SPECC1L: variants seen among roughly 807,000 people sequenced by gnomAD.
SPECC1L encodes cytospin-A.
A neutral mutation model predicts 116.8 loss-of-function variants in SPECC1L; 40 were observed. The observed-to-expected ratio is 0.34, with a 90% CI of 0.27 to 0.45. The LOEUF (loss-of-function observed/expected upper bound fraction) is 0.45. Among genes scored for constraint, SPECC1L ranks in the 20% least tolerant of loss-of-function variants. The pLI, the probability that SPECC1L is intolerant of heterozygous loss-of-function variation, is 1.00. For missense variants in SPECC1L, 1,110 were observed against 1,373.6 expected, an observed-to-expected ratio of 0.81 and a Z score of 3.03; for synonymous variants, 504 against 500.6, an observed-to-expected ratio of 1.01 and a Z score of -0.09.
chr22:24,399,856 C>T (rs2042438829), intron 14 of SPECC1L, among the ~76,000 whole-genome samples: 1 of 152,154 alleles, frequency 6.6e-6, no homozygotes, highest in Admixed American at 6.5e-5. Context: ...GCCTCCTACC[C>T]TTAGCTGCCT....
chr22:24,334,661 G>A (rs1312596784), intron 9 of SPECC1L, 88 bp downstream of exon 9: 5 of 1,425,530 alleles, frequency 3.5e-6, no homozygotes, highest in Middle Eastern at 2.0e-4. Context: ...ATTCTTTACT[G>A]TCTTACTCTT....
chr22:24,372,862 A>G (rs1366422951), intron 14 of SPECC1L, among the ~76,000 whole-genome samples: 5 of 152,340 alleles, frequency 3.3e-5, no homozygotes, highest in African/African-American at 7.2e-5. Flanking sequence ...ACATGATTAT[A>G]TATCTAGAAA....
intron 11 of SPECC1L, among the ~76,000 whole-genome samples, chr22:24,348,606 A>C (rs1309080126): frequency 6.6e-6 from 1 of 152,222 alleles, no homozygotes; most frequent in African/African-American, 2.4e-5. Flanking sequence ...CTAAGGGAAC[A>C]AATAGTGGAA....
chr22:24,356,691 A>G (rs1345842736), intron 11 of SPECC1L, among the ~76,000 whole-genome samples: 1 of 152,132 alleles, frequency 6.6e-6, no homozygotes, highest in East Asian at 1.9e-4. Context: ...AAAATCTACC[A>G]CCTTGTCGTG....
intron 4 of SPECC1L, among the ~76,000 whole-genome samples, chr22:24,317,500 C>T (rs1181944708): frequency 7.5e-5 from 10 of 133,350 alleles, no homozygotes; most frequent in African/African-American, 2.6e-4. Context: ...CCCCCACCTC[C>T]CTCCCGGACG....
chr22:24,406,999 A>G (rs1049620502), intron 14 of SPECC1L, among the ~76,000 whole-genome samples: 8 of 152,224 alleles, frequency 5.3e-5, no homozygotes, highest in Admixed American at 2.6e-4. Flanking sequence ...TCATTCTCCC[A>G]ACATGATCTC....
chr22:24,377,877 C>T (rs1440426013), intron 14 of SPECC1L, among the ~76,000 whole-genome samples: 1 of 152,170 alleles, frequency 6.6e-6, no homozygotes, highest in Non-Finnish European at 1.5e-5. Context: ...GTAGATGTAG[C>T]ATAACTCTTA....
intron 13 of SPECC1L, 51 bp downstream of exon 13, chr22:24,365,683 T>G (rs1370082279): frequency 3.8e-6 from 6 of 1,597,178 alleles, no homozygotes; most frequent in Non-Finnish European, 5.1e-6. Flanking sequence ...TCCTGGCCTT[T>G]TGACAGTAAA....
intron 2 of SPECC1L, among the ~76,000 whole-genome samples, chr22:24,301,872 C>G (rs569661928): frequency 6.6e-6 from 1 of 152,094 alleles, no homozygotes; most frequent in Non-Finnish European, 1.5e-5. Context: ...CGGTGAAACC[C>G]TGTCTCTACT....
intron 1 of SPECC1L, among the ~76,000 whole-genome samples, chr22:24,271,617 G>A (rs538504799): frequency 4.6e-5 from 7 of 152,384 alleles, no homozygotes; most frequent in Admixed American, 2.0e-4. Flanking sequence ...ATTACCTTAA[G>A]TAGTTAAGTC....
chr22:24,381,735 T>G (rs1265305076), intron 14 of SPECC1L, among the ~76,000 whole-genome samples: 1 of 151,880 alleles, frequency 6.6e-6, no homozygotes, highest in African/African-American at 2.4e-5. Flanking sequence ...ATACAAAAAA[T>G]TAGCCAGGCG....
intron 9 of SPECC1L, among the ~76,000 whole-genome samples, chr22:24,335,875 A>T (rs983908316): frequency 1.3e-5 from 2 of 152,100 alleles, no homozygotes; most frequent in African/African-American, 4.8e-5. Flanking sequence ...ATAATATAAG[A>T]TAGTGTTATG....
chr22:24,410,800 C>T (rs183983507), intron 14 of SPECC1L, among the ~76,000 whole-genome samples: 10 of 152,204 alleles, frequency 6.6e-5, no homozygotes, highest in African/African-American at 2.2e-4. Context: ...CATGTGTGGG[C>T]GCACTTTGAG....
chr22:24,303,547 G>A (rs141230298), intron 3 of SPECC1L, among the ~76,000 whole-genome samples: 2 of 152,298 alleles, frequency 1.3e-5, no homozygotes, highest in Non-Finnish European at 1.5e-5. Flanking sequence ...GTGTGACTAG[G>A]TGACCTGTTA....
Position 24,280,343 on chromosome 22 carries a change from A to G in SPECC1L, c.-38+3540A>G, listed in dbSNP as rs1176789176. ...GTTTTGAGGAGTAGCTGGGGCTTGA[A>G]CAAAGAAGAGGTAGTAATGAACATT... On this transcript the variant is annotated intron_variant, in intron 2 of 16. Coordinates refer to ENST00000314328, the MANE Select transcript of SPECC1L (RefSeq NM_015330.6). Among the ~76,000 whole-genome samples the G allele has an allele frequency of 7.9e-5, 12 of 151,944 alleles. No individual in the cohort carries two copies. The East Asian group carries it at 2.3e-3, about 29-fold the overall frequency.
At chr22:24,299,712 T>A (rs768016725) in intron 2 of SPECC1L, among the ~76,000 whole-genome samples, 10 of 152,050 alleles carry the variant, frequency 6.6e-5, no homozygotes, top group Admixed American at 1.3e-4. Flanking sequence ...GTTTTTTTTT[T>A]AATTTTAGCT....
intron 11 of SPECC1L, among the ~76,000 whole-genome samples, chr22:24,357,224 A>G (rs1250782375): frequency 1.3e-5 from 2 of 152,112 alleles, no homozygotes; most frequent in African/African-American, 2.4e-5. Context: ...TTCACTTAAT[A>G]TCATGTTTTC....
At chr22:24,366,922 G>C in intron 13 of SPECC1L, among the ~76,000 whole-genome samples, 1 of 152,174 alleles carries the variant, frequency 6.6e-6, no homozygotes, top group African/African-American at 2.4e-5. Flanking sequence ...AGCCGGGTGT[G>C]GTGGCTCACG....
At chr22:24,378,827 C>T (rs1260019998) in intron 14 of SPECC1L, among the ~76,000 whole-genome samples, 2 of 152,148 alleles carry the variant, frequency 1.3e-5, no homozygotes, top group Non-Finnish European at 2.9e-5. Flanking sequence ...ACTGGTCATA[C>T]ATCACCATAA....
Sources: gnomAD v4.1 joint callset for allele counts (sites outside exome capture counted in the v4.1 genomes callset) on GRCh38, gnomAD v4.1.1 for gene constraint, MANE v1.5 for transcripts, NCBI Gene and HGNC (gene_info 2026-07-23, HGNC 2026-07-21) for gene names.